EPS15L1: variants seen among roughly 807,000 people sequenced by gnomAD.
EPS15L1 encodes the protein epidermal growth factor receptor pathway substrate 15 like 1, also known as epidermal growth factor receptor substrate 15-like 1.
EPS15L1 carries 43 observed loss-of-function variants against 117.1 expected under a neutral mutation model. The observed-to-expected ratio is 0.37, with a 90% CI of 0.29 to 0.47. The LOEUF (loss-of-function observed/expected upper bound fraction) is 0.47, where lower values mean the gene tolerates loss of function less well. Among genes scored for constraint, EPS15L1 ranks in the 20% least tolerant of loss-of-function variants. EPS15L1 has a pLI of 0.99. For synonymous variants in EPS15L1, 459 were observed against 470.5 expected, an observed-to-expected ratio of 0.98 and a Z score of 0.32; for missense variants, 981 against 1,164.0, an observed-to-expected ratio of 0.84 and a Z score of 2.29.
rs181953258 is a variant in EPS15L1 at position 16,452,252 on chromosome 19, C to T, written c.34-10033G>A. 1.9e-4 allele frequency among the ~76,000 whole-genome samples: 29 copies of T among 151,888 alleles called. No homozygotes were observed. In the East Asian group the frequency reaches 5.6e-3, roughly 30 times the overall value. On this transcript the variant is annotated intron_variant, in intron 1 of 23. Coordinates refer to ENST00000455140, the MANE Select transcript of EPS15L1 (RefSeq NM_001258374.3). ...CCTGAGGTCAGGAGTTCTAAACCAG[C>T]CTGGCCAACATGGTGAAACCCCATC...
intron 9 of EPS15L1, among the ~76,000 whole-genome samples, chr19:16,422,711 C>A (rs2092829061): frequency 6.6e-6 from 1 of 152,132 alleles, no homozygotes; most frequent in South Asian, 2.1e-4. Flanking sequence ...AATCCCAGCA[C>A]TTTGGGAGGC....
intron 22 of EPS15L1, among the ~76,000 whole-genome samples, chr19:16,363,220 A>G (rs1399111888): frequency 1.3e-5 from 2 of 152,184 alleles, no homozygotes; most frequent in Non-Finnish European, 2.9e-5. Flanking sequence ...TGGTCCACGC[A>G]GCACCCCAGA....
rs1473243949 is a variant in EPS15L1, at chr19:16,405,018, G to A, written c.1267-269C>T. Among the ~76,000 whole-genome samples the A allele has an allele frequency of 6.6e-6, 1 of 152,242 alleles. No homozygotes were observed. Among genetic ancestry groups the A allele is most frequent in the African/African-American group, 2.4e-5 (1 of 41,462 alleles). On this transcript the variant is annotated intron_variant, in intron 13 of 23. Transcript: ENST00000455140. The surrounding 1 kb of genome is among the most constrained non-coding windows in gnomAD (Gnocchi z 4.0). ...GCGAGAGAAGGGGCTGGGTCCCTGT[G>A]AGAAAAAGGCCCCAGCTCCCGGATG... is the stretch of plus-strand genomic sequence containing the variant.
intron 1 of EPS15L1, among the ~76,000 whole-genome samples, chr19:16,458,684 T>A (rs558146585): frequency 6.6e-6 from 1 of 151,760 alleles, no homozygotes; most frequent in South Asian, 2.1e-4. Context: ...ACACACACAC[T>A]CACTCACACA....
intron 8 of EPS15L1, among the ~76,000 whole-genome samples, chr19:16,427,232 G>A (rs2092881383): frequency 6.6e-6 from 1 of 152,176 alleles, no homozygotes; most frequent in African/African-American, 2.4e-5. Flanking sequence ...GCTGCAGCAA[G>A]GGTGTTCACG....
chr19:16,418,915 T>C (rs1376478408), intron 10 of EPS15L1, among the ~76,000 whole-genome samples: 1 of 152,136 alleles, frequency 6.6e-6, no homozygotes. Context: ...GTGAGAAATG[T>C]CTGTTTCTAA....
intron 9 of EPS15L1, among the ~76,000 whole-genome samples, chr19:16,424,081 C>T (rs959366582): frequency 1.3e-5 from 2 of 152,200 alleles, no homozygotes; most frequent in Non-Finnish European, 2.9e-5. Context: ...GGCTTTAAGG[C>T]CGGCTCAGCA....
At chr19:16,369,007 G>A (rs931229886) in intron 22 of EPS15L1, among the ~76,000 whole-genome samples, 3 of 152,204 alleles carry the variant, frequency 2.0e-5, no homozygotes, top group East Asian at 1.9e-4. Context: ...GCTTAGCTGC[G>A]GGGAGAGGGG....
intron 3 of EPS15L1, 61 bp from the exon 4 acceptor site, chr19:16,440,970 A>T: frequency 6.5e-7 from 1 of 1,547,310 alleles, no homozygotes. Context: ...GTGTTAACAA[A>T]AACCAGAGCC....
At chr19:16,377,772 C>G (rs1051182957) in intron 21 of EPS15L1, among the ~76,000 whole-genome samples, 1 of 152,228 alleles carries the variant, frequency 6.6e-6, no homozygotes. Context: ...CTTTCTTCCT[C>G]CATGCCTCTG....
intron 1 of EPS15L1, among the ~76,000 whole-genome samples, chr19:16,454,552 T>TC (rs1292606143): frequency 6.6e-6 from 1 of 152,162 alleles, no homozygotes; most frequent in Non-Finnish European, 1.5e-5. Context: ...TCATGGATTC[T>TC]CCCCAGGGAC....
At chr19:16,417,144 C>T (rs535104586) in intron 12 of EPS15L1, among the ~76,000 whole-genome samples, 197 of 152,330 alleles carry the variant, frequency 1.3e-3, no homozygotes, top group Middle Eastern at 3.4e-3. Flanking sequence ...CAGGCTCTGC[C>T]CATGACCTGC....
At chr19:16,393,683 AAATAAATAAAAT>A (rs1429935672) in intron 18 of EPS15L1, among the ~76,000 whole-genome samples, 22 of 150,798 alleles carry the variant, frequency 1.5e-4, no homozygotes, top group Non-Finnish European at 2.7e-4. Flanking sequence ...ATAAATAAAT[AAATAAATAAAAT>A]AAATAAATAA....
At chr19:16,438,902 C>T (rs1333242925) in intron 4 of EPS15L1, among the ~76,000 whole-genome samples, 4 of 152,040 alleles carry the variant, frequency 2.6e-5, no homozygotes, top group East Asian at 1.9e-4. Flanking sequence ...ACGATCCCCT[C>T]GGCCTCGTTG....
At chr19:16,392,523 C>A in intron 18 of EPS15L1, 83 bp from the exon 19 acceptor site, 1 of 1,313,560 alleles carries the variant, frequency 7.6e-7, no homozygotes. Flanking sequence ...AGAATGATGC[C>A]GTTTACATGA....
At chr19:16,413,188 T>G in intron 13 of EPS15L1, 1 of 655,120 alleles carries the variant, frequency 1.5e-6, no homozygotes, top group Non-Finnish European at 2.8e-6. Flanking sequence ...ATTGTCCCCG[T>G]GTGCAGAGGC....
intron 12 of EPS15L1, 81 bp from the exon 13 acceptor site, chr19:16,413,926 C>A: frequency 9.9e-7 from 1 of 1,007,266 alleles, no homozygotes; most frequent in Non-Finnish European, 1.5e-6. Context: ...TCTGTTCACC[C>A]CCACAAAAGC....
At chr19:16,409,891 TC>T in intron 13 of EPS15L1, among the ~76,000 whole-genome samples, 1 of 131,748 alleles carries the variant, frequency 7.6e-6, no homozygotes, top group Non-Finnish European at 1.5e-5. Context: ...TGAGCTGAGA[TC>T]GCACCACTGC....
chr19:16,385,058 G>C, intron 21 of EPS15L1, 71 bp downstream of exon 21: 1 of 1,196,956 alleles, frequency 8.4e-7, no homozygotes, highest in Non-Finnish European at 1.2e-6. Context: ...AATTACGCCT[G>C]GCAGCCCACA....
Sources: allele counts gnomAD v4.1 joint callset (sites outside exome capture counted in the v4.1 genomes callset), GRCh38; gene constraint gnomAD v4.1.1; non-coding constraint Gnocchi (gnomAD v3.1); transcripts MANE v1.5; gene names NCBI Gene and HGNC (gene_info 2026-07-23, HGNC 2026-07-21).